The following RGL1 variants were observed in gnomAD, a reference collection of about 807,000 sequenced individuals.
RGL1 encodes the protein ral guanine nucleotide dissociation stimulator like 1.
Under a neutral mutation model 95.2 loss-of-function variants are expected in RGL1, and 24 were observed. That is an observed-to-expected ratio of 0.25 (90% confidence interval 0.18 to 0.35). The LOEUF is 0.35. Among genes scored for constraint, RGL1 ranks in the 10% least tolerant of loss-of-function variants. The pLI is 1.00. For missense variants in RGL1, 715 were observed against 936.3 expected (o/e 0.76, Z 3.08); for synonymous variants, 329 against 344.9 (o/e 0.95, Z 0.51).
At chr1:183,914,293 TCTTTTTTGTCTCATCCCTCATCAGACTGG>T (rs1668834426) in intron 15 of RGL1, among the ~76,000 whole-genome samples, 1 of 152,240 alleles carries the variant, frequency 6.6e-6, no homozygotes, top group South Asian at 2.1e-4. Flanking sequence ...CCTTGCTTCA[TCTTTTTTGTCTCATCCCTCATCAGACTGG>T]CTTTTTAAAT....
upstream of RGL1, among the ~76,000 whole-genome samples, chr1:183,802,892 AC>A (rs996382273): frequency 1.3e-5 from 2 of 152,224 alleles, no homozygotes; most frequent in Admixed American, 6.5e-5. Context: ...GTAAATAAAC[AC>A]CAACTGAGTT....
At chr1:183,647,627 C>T (rs1650382624) in intron 1 of RGL1, 1 of 1,509,804 alleles carries the variant, frequency 6.6e-7, no homozygotes, top group Non-Finnish European at 8.8e-7. Context: ...TTTTTATTGC[C>T]TATCTAATAA....
intron 1 of RGL1, among the ~76,000 whole-genome samples, chr1:183,643,873 C>A (rs577645352): frequency 6.6e-6 from 1 of 152,232 alleles, no homozygotes; most frequent in South Asian, 2.1e-4. Context: ...TGTTCTATTG[C>A]CTTGGGTCCC....
chr1:183,922,203 C>G lies in RGL1; in HGVS notation c.2005-19C>G, dbSNP rs1412492780. On this transcript the variant is annotated intron_variant, in intron 16 of 17. Transcript: ENST00000360851. ...ACGTGAAGCTAAGTACTTTACAAACCTGTTCATTGTCTTTGCAGTTGACGA... is the reference window on the plus strand; with the variant it reads ...ACGTGAAGCTAAGTACTTTACAAACGTGTTCATTGTCTTTGCAGTTGACGA... 5 of 1,601,960 alleles carry G rather than the reference C, an allele frequency of 3.1e-6. No individual in the cohort carries two copies. In the Admixed American group the frequency reaches 5.0e-5, roughly 16 times the overall value.
rs1461607498 is a variant in RGL1 at position 183,724,614 on chromosome 1, TTA to T, written c.-32-17508_-32-17507del. Among the ~76,000 whole-genome samples the T allele has an allele frequency of 1.3e-5, 2 of 151,720 alleles. No individual in the cohort carries two copies. Among genetic ancestry groups the T allele is most frequent in the Non-Finnish European group, 2.9e-5 (2 of 67,920 alleles). ...GGGGGAGGGAGGAGTATGAGGGACT[TTA>T]TATTGTAGTTTGGGTGTCAGCACAG... On this transcript the variant is annotated intron_variant, in intron 1 of 18. Coordinates refer to the RGL1 transcript ENST00000304685. The surrounding 1 kb of genome is among the most constrained non-coding windows in gnomAD (Gnocchi z 4.1).
Position 183,775,609 on chromosome 1 carries a change from T to C in RGL1, c.133-30766T>C, listed in dbSNP as rs566936037. ...TTAGTTTGAACATGGGTCTGACATT[T>C]ACTGGCTATATTACCTTGGGCAAGA... On this transcript the variant is annotated intron_variant, in intron 2 of 18. Transcript: ENST00000304685. Among the ~76,000 whole-genome samples the C allele has an allele frequency of 2.0e-5, 3 of 152,358 alleles. No homozygotes were observed. The East Asian group carries it at 5.8e-4, about 29-fold the overall frequency.
intron 1 of RGL1, among the ~76,000 whole-genome samples, chr1:183,714,126 T>G (rs929163960): frequency 2.0e-5 from 3 of 152,248 alleles, no homozygotes; most frequent in Non-Finnish European, 2.9e-5. Context: ...CCAAAAATAT[T>G]TTTTGAATGA....
Position 183,657,760 on chromosome 1 carries a change from T to C in RGL1, c.-33+21259T>C, listed in dbSNP as rs369525621. Among the ~76,000 whole-genome samples, 759 of 151,646 alleles carry C rather than the reference T, an allele frequency of 5.0e-3. 5 individuals carry two copies. The highest frequency in any genetic ancestry group is 0.017 in the African/African-American group (718 of 41,116). On this transcript the variant is annotated intron_variant, in intron 1 of 18. Transcript: ENST00000304685. ...GTGCCGCAATAAACATACGTGTGCA[T>C]GTGTCTTTATAGCAGCATGATTTAT...
chr1:183,663,370 AAAAC>A (rs1304598673), intron 1 of RGL1, among the ~76,000 whole-genome samples: 1,946 of 151,852 alleles, frequency 0.013, 63 homozygotes, highest in African/African-American at 0.045. Flanking sequence ...TTACAAGAAA[AAAAC>A]AAACAACCCC....
chr1:183,806,610 C>T, intron 2 of RGL1, 125 bp downstream of exon 2: 1 of 652,376 alleles, frequency 1.5e-6, no homozygotes, highest in Non-Finnish European at 2.6e-6. Context: ...AAGGAAAATG[C>T]TAATGACCAA....
chr1:183,700,971 G>A (rs1482744828), intron 1 of RGL1, among the ~76,000 whole-genome samples: 1 of 152,114 alleles, frequency 6.6e-6, no homozygotes, highest in Non-Finnish European at 1.5e-5. Flanking sequence ...TGTTTTCATT[G>A]ATCAACTCCC....
chr1:183,680,709 G>A (rs1653154651), intron 1 of RGL1, among the ~76,000 whole-genome samples: 1 of 152,066 alleles, frequency 6.6e-6, no homozygotes, highest in African/African-American at 2.4e-5. Flanking sequence ...TTCTGATTCT[G>A]TGAAGAAAAT....
chr1:183,817,365 T>C lies in RGL1; in HGVS notation c.138+10880T>C, dbSNP rs139106819. Among the ~76,000 whole-genome samples, 163 of 152,352 alleles carry C rather than the reference T, an allele frequency of 1.1e-3. 1 individual carries two copies. Among genetic ancestry groups the C allele is most frequent in the African/African-American group, 3.8e-3 (160 of 41,588 alleles). ...TTAGGAGCACAGTTTTAAAGATCTATTTTTCTCACTGTCTTTCCATTTGCT... is the reference window on the plus strand; with the variant it reads ...TTAGGAGCACAGTTTTAAAGATCTACTTTTCTCACTGTCTTTCCATTTGCT... On this transcript the variant is annotated intron_variant, in intron 2 of 17. Transcript: ENST00000360851.
chr1:183,887,863 G>A (rs1227646705), intron 7 of RGL1, among the ~76,000 whole-genome samples: 1 of 152,216 alleles, frequency 6.6e-6, no homozygotes, highest in Non-Finnish European at 1.5e-5. Flanking sequence ...TATTTTGGAA[G>A]CATTGAAGTA....
chr1:183,910,055 A>G (rs1320553162), intron 14 of RGL1, among the ~76,000 whole-genome samples: 1 of 151,878 alleles, frequency 6.6e-6, no homozygotes, highest in Non-Finnish European at 1.5e-5. Flanking sequence ...CCTCTGTTTT[A>G]TGTTCCCACT....
chr1:183,772,510 A>T (rs1467905568), intron 2 of RGL1, among the ~76,000 whole-genome samples: 1 of 152,214 alleles, frequency 6.6e-6, no homozygotes, highest in Non-Finnish European at 1.5e-5. Flanking sequence ...TGGGAAAGTT[A>T]GTAGTTCTTC....
chr1:183,862,550 C>T (rs1328534139), intron 3 of RGL1, among the ~76,000 whole-genome samples: 1 of 152,222 alleles, frequency 6.6e-6, no homozygotes, highest in Non-Finnish European at 1.5e-5. Flanking sequence ...ACTTTAACAT[C>T]TTAAAACTTT....
rs1290378795 is a variant in RGL1 at position 183,880,659 on chromosome 1, G to A, written c.469G>A (p.Glu157Lys). 1 of 1,613,934 alleles carries A rather than the reference G, an allele frequency of 6.2e-7. No homozygotes were observed. The change falls in exon 5 of 18, where the codon GAA (glutamate) becomes AAA (lysine). Residue 157 changes from glutamate (E) to lysine (K), a missense_variant. Transcript: ENST00000360851. ...AAGGGCCTGGCTTGACCAGTGTGCA[G>A]AAGACTTCCGAGAGCCCCCTCACTT... is the stretch of plus-strand genomic sequence containing the variant. ...ILRAWLDQCA[E>K]DFREPPHFPC...
At chr1:183,789,904 T>A (rs1014246246) in intron 2 of RGL1, among the ~76,000 whole-genome samples, 1 of 149,646 alleles carries the variant, frequency 6.7e-6, no homozygotes, top group Non-Finnish European at 1.5e-5. Flanking sequence ...TGCACCAACC[T>A]AATAGTCAGA....
Sources: gnomAD v4.1 joint callset for allele counts (sites outside exome capture counted in the v4.1 genomes callset) on GRCh38, gnomAD v4.1.1 for gene constraint, Gnocchi (gnomAD v3.1) non-coding constraint, MANE v1.5 for transcripts, NCBI Gene and HGNC (gene_info 2026-07-23, HGNC 2026-07-21) for gene names.